AZIN2: variants seen among roughly 807,000 people sequenced by gnomAD.
The protein encoded by AZIN2 is antizyme inhibitor 2.
In AZIN2, 28 loss-of-function variants were observed where a neutral mutation model predicts 47.8. That is an observed-to-expected ratio of 0.59 (90% CI 0.43 to 0.80). The LOEUF (loss-of-function observed/expected upper bound fraction) is 0.80, where lower values mean the gene tolerates loss of function less well. Ranked by LOEUF, AZIN2 falls within the 30% of genes least tolerant of loss-of-function variation. The pLI, the probability that AZIN2 is intolerant of heterozygous loss-of-function variation, is 0.00. For synonymous variants in AZIN2, 221 were observed against 239.4 expected, an observed-to-expected ratio of 0.92 and a Z score of 0.71; for missense variants, 535 against 582.5, an observed-to-expected ratio of 0.92 and a Z score of 0.84.
chr1:33,082,207 G>GCAGCAGCGGCTC lies in AZIN2; in HGVS notation c.-40_-29dup. 6.5e-7 allele frequency: 1 copy of GCAGCAGCGGCTC among 1,540,650 alleles called. No homozygotes were observed. Among genetic ancestry groups the GCAGCAGCGGCTC allele is most frequent in the African/African-American group, 1.4e-5 (1 of 73,512 alleles). ...TTGCATACTTTCTAAGGCGGCGGCT[G>GCAGCAGCGGCTC]CAGCAGCGGCTCCATCCAGCCCGTC... On this transcript the variant is annotated 5_prime_UTR_variant, in exon 4 of 12. Coordinates refer to ENST00000294517, the MANE Select transcript of AZIN2 (RefSeq NM_052998.4).
intron 10 of AZIN2, among the ~76,000 whole-genome samples, chr1:33,106,116 A>G (rs1224438591): frequency 6.6e-6 from 1 of 152,232 alleles, no homozygotes; most frequent in Non-Finnish European, 1.5e-5. Flanking sequence ...AAAGGATCAT[A>G]AGAGACCACT....
At chr1:33,147,602 C>A in the AZIN2 span, 2 of 1,614,130 alleles carry the variant, frequency 1.2e-6, no homozygotes, top group Non-Finnish European at 1.7e-6. The surrounding 1 kb of genome is among the most constrained non-coding windows in gnomAD (Gnocchi z 8.1). Flanking sequence ...ACCTCCACAT[C>A]GAAGCGCTTT....
chr1:33,093,060 C>T (rs1339990174), intron 6 of AZIN2, among the ~76,000 whole-genome samples: 7 of 152,128 alleles, frequency 4.6e-5, no homozygotes, highest in Non-Finnish European at 1.0e-4. Context: ...TTGGTGAGGT[C>T]TGGACCAGGG....
chr1:33,090,427 G>A (rs973696226), intron 5 of AZIN2, among the ~76,000 whole-genome samples: 1 of 152,150 alleles, frequency 6.6e-6, no homozygotes, highest in Non-Finnish European at 1.5e-5. Flanking sequence ...TGAAGAGGAG[G>A]CCCCAAGAGG....
At chr1:33,150,805 C>T in the AZIN2 span, among the ~76,000 whole-genome samples, 1 of 152,060 alleles carries the variant, frequency 6.6e-6, no homozygotes, top group Non-Finnish European at 1.5e-5. Flanking sequence ...GGAACCTAAT[C>T]AGACATAGGT....
the AZIN2 span, among the ~76,000 whole-genome samples, chr1:33,161,101 T>C: frequency 6.6e-6 from 1 of 152,240 alleles, no homozygotes; most frequent in African/African-American, 2.4e-5. This position sits in a 1 kb window ranked among gnomAD's most constrained non-coding sequence, Gnocchi z 4.3. Context: ...TAACAAAAAC[T>C]GCATTGTAGG....
chr1:33,136,700 G>A, the AZIN2 span, among the ~76,000 whole-genome samples: 1 of 151,056 alleles, frequency 6.6e-6, no homozygotes, highest in African/African-American at 2.4e-5. Context: ...CCCAACAACT[G>A]TCTATGAAAA....
intron 10 of AZIN2, among the ~76,000 whole-genome samples, chr1:33,114,649 C>T (rs1351689502): frequency 7.7e-6 from 1 of 129,100 alleles, no homozygotes; most frequent in Non-Finnish European, 1.6e-5. Context: ...CACCGCGACC[C>T]GCCTTTTTTT....
intron 5 of AZIN2, 134 bp downstream of exon 5, chr1:33,084,261 CAGGAGGGGTCTCAAGGGATGA>C (rs1557663366): frequency 1.0e-6 from 1 of 971,356 alleles, no homozygotes; most frequent in Admixed American, 2.3e-5. Flanking sequence ...ACCACCCACT[CAGGAGGGGTCTCAAGGGATGA>C]GGGAGGGAGA....
the AZIN2 span, among the ~76,000 whole-genome samples, chr1:33,138,487 C>A: frequency 6.6e-6 from 1 of 151,782 alleles, no homozygotes; most frequent in East Asian, 1.9e-4. Context: ...ATAGCGAGAC[C>A]CTGTCTCTGC....
intron 3 of AZIN2, 58 bp from the exon 4 acceptor site, chr1:33,082,120 G>T: frequency 2.7e-6 from 2 of 754,662 alleles, no homozygotes; most frequent in Admixed American, 2.1e-5. Context: ...CTCGGGAGGC[G>T]AGTGGGGCAG....
At chr1:33,099,177 A>T (rs1643455038) in intron 10 of AZIN2, among the ~76,000 whole-genome samples, 1 of 151,736 alleles carries the variant, frequency 6.6e-6, no homozygotes, top group South Asian at 2.1e-4. Flanking sequence ...TTCCCAACCT[A>T]TCCAGTTTTT....
At chr1:33,143,010 T>A in the AZIN2 span, 1 of 152,328 alleles carries the variant, frequency 6.6e-6, no homozygotes, top group South Asian at 2.1e-4. Context: ...GTTACTGCCA[T>A]TCTATCATTT....
downstream of AZIN2, among the ~76,000 whole-genome samples, chr1:33,126,295 C>A (rs1398181719): frequency 1.3e-5 from 2 of 152,158 alleles, no homozygotes; most frequent in East Asian, 3.9e-4. Flanking sequence ...ATTAGGGGTT[C>A]CATCTCCGGG....
chr1:33,083,957 G>A lies in AZIN2; in HGVS notation c.109G>A (p.Glu37Lys), dbSNP rs747300428. Residue 37 changes from glutamate (E) to lysine (K), a missense_variant, in exon 5 of 12, where the codon GAG (glutamate) becomes AAG (lysine). This residue lies in a region of AZIN2 where 409 missense variants were observed against 429.0 expected (regional missense o/e 0.95). Transcript: ENST00000294517. Reference protein sequence around the residue: ...TLGASQATTDEVAAFFVADLG... With the variant: ...TLGASQATTDKVAAFFVADLG... ...TCATCCACTTCTTGTCATTCAGGAC[G>A]AGGTAGCTGCCTTCTTCGTGGCTGA... 1.2e-5 allele frequency: 20 copies of A among 1,614,102 alleles called. No individual in the cohort carries two copies. Among genetic ancestry groups the A allele is most frequent in the South Asian group, 1.1e-4 (10 of 91,084 alleles).
chr1:33,148,530 T>C, the AZIN2 span, among the ~76,000 whole-genome samples: 1 of 152,154 alleles, frequency 6.6e-6, no homozygotes, highest in Non-Finnish European at 1.5e-5. Flanking sequence ...GGATGGTGTT[T>C]TACCTATGAC....
rs376810759 is a variant in AZIN2, at chr1:33,098,052, C to G, written c.917-15C>G. ...ATTGCTACTTGTGCTGCCTCTGAAC[C>G]CTCCCCTCCTGCAGAGGAAAATGGT... On this transcript the variant is annotated splice_polypyrimidine_tract_variant and intron_variant, in intron 9 of 11. Transcript: ENST00000294517. 1 of 1,598,860 alleles carries G rather than the reference C, an allele frequency of 6.3e-7. No individual in the cohort carries two copies. Among genetic ancestry groups the G allele is most frequent in the Non-Finnish European group, 8.6e-7 (1 of 1,166,112 alleles).
At chr1:33,165,341 G>C in the AZIN2 span, 1 of 801,106 alleles carries the variant, frequency 1.2e-6, no homozygotes, top group South Asian at 1.8e-5. This position sits in a 1 kb window ranked among gnomAD's most constrained non-coding sequence, Gnocchi z 4.0. Context: ...TCTCACTCCA[G>C]GTTTGGCTCC....
At position 33,117,985 on chromosome 1, in the gene AZIN2, G is replaced by C. The variant is rs1644634235; in HGVS notation, c.1113G>C (p.Leu371=). 1.9e-6 allele frequency: 3 copies of C among 1,610,844 alleles called. No homozygotes were observed. The highest frequency in any genetic ancestry group is 4.5e-5 in the East Asian group (2 of 44,874). Residue 371 remains leucine, a synonymous_variant, in exon 11 of 12, where the codon CTG becomes CTC. Coordinates refer to ENST00000294517, the MANE Select transcript of AZIN2 (RefSeq NM_052998.4). ...GCTGTGATTGCGTGGCTGAGGGCCT[G>C]TGGCTGCCGCAACTACACGTAGGGG... ...VDGCDCVAEG[L]WLPQLHVGDW...
Sources: gnomAD v4.1 joint callset for allele counts (sites outside exome capture counted in the v4.1 genomes callset) on GRCh38, gnomAD v4.1.1 for gene constraint, gnomAD v4.1.1 regional missense constraint, Gnocchi (gnomAD v3.1) non-coding constraint, MANE v1.5 for transcripts, NCBI Gene and HGNC (gene_info 2026-07-23, HGNC 2026-07-21) for gene names.